Variants in XRCC5 observed in about 807,000 individuals in gnomAD.
The protein encoded by XRCC5 is DNA repair protein Ku80.
Under a neutral mutation model 95.7 loss-of-function variants are expected in XRCC5, and 12 were observed. The ratio of observed to expected loss-of-function variants is 0.13; its 90% CI spans 0.08 to 0.20. The LOEUF is 0.20. Ranked by LOEUF, XRCC5 falls within the 10% of genes least tolerant of loss-of-function variation. XRCC5 has a pLI of 1.00. For missense variants in XRCC5, 595 were observed against 873.9 expected (o/e 0.68, Z 4.02); for synonymous variants, 281 against 290.3 (o/e 0.97, Z 0.33).
chr2:216,122,079 G>T lies in XRCC5; in HGVS notation c.509G>T (p.Gly170Val). Residue 170 changes from glycine to valine, a missense_variant, in exon 6 of 21, where the codon GGC becomes GTC. Physicochemically the swap from Gly to Val is moderately radical, Grantham distance 109. Transcript: ENST00000392132. ...CTTAATAGCTTGCCTTTCTCACTTG[G>T]CAAGGAAGATGGAAGTGGGGACAGA... The part of the protein sequence containing the change: ...SLQFFLPFSL[G>V]KEDGSGDRGD... 6.2e-7 allele frequency: 1 copy of T among 1,612,196 alleles called. No homozygotes were observed. The highest frequency in any genetic ancestry group is 8.5e-7 in the Non-Finnish European group (1 of 1,179,122).
intron 8 of XRCC5, 50 bp downstream of exon 8, chr2:216,127,724 A>G (rs200255547): frequency 2.8e-5 from 43 of 1,526,644 alleles, no homozygotes; most frequent in African/African-American, 1.1e-4. Flanking sequence ...TTTCTTCAAC[A>G]TGATGTGATG....
chr2:216,143,701 C>CTTTTTTTTTTTT (rs1238978612), intron 13 of XRCC5, among the ~76,000 whole-genome samples: 1 of 142,822 alleles, frequency 7.0e-6, no homozygotes. Context: ...CTATAAGCTG[C>CTTTTTTTTTTTT]TTTTTTTTTT....
chr2:216,182,651 C>G (rs936246939), intron 16 of XRCC5, among the ~76,000 whole-genome samples: 3 of 152,214 alleles, frequency 2.0e-5, no homozygotes, highest in African/African-American at 7.2e-5. Context: ...TGAAAGATAT[C>G]ATTTCCTCAT....
intron 9 of XRCC5, chr2:216,131,271 A>T (rs1054599846): frequency 1.0e-6 from 1 of 984,872 alleles, no homozygotes; most frequent in African/African-American, 1.7e-5. Flanking sequence ...TGTGGGCCTA[A>T]CCCTCATCCC....
At chr2:216,196,530 A>G (rs1408171708) in intron 19 of XRCC5, among the ~76,000 whole-genome samples, 1 of 152,070 alleles carries the variant, frequency 6.6e-6, no homozygotes, top group Non-Finnish European at 1.5e-5. Flanking sequence ...GTGTATGCAC[A>G]TACACACACA....
Position 216,154,452 on chromosome 2 carries a change from G to A in XRCC5, c.1671-5616G>A, listed in dbSNP as rs760249783. Among the ~76,000 whole-genome samples, 2 of 152,188 alleles carry A rather than the reference G, an allele frequency of 1.3e-5. 1 individual carries two copies. Among genetic ancestry groups the A allele is most frequent in the Admixed American group, 1.3e-4 (2 of 15,286 alleles). On this transcript the variant is annotated intron_variant, in intron 14 of 20. Coordinates refer to ENST00000392132, the MANE Select transcript of XRCC5 (RefSeq NM_021141.4). The stretch of plus-strand genomic sequence containing the variant: ...TAAAAAGAAACGTAAGCTCTTAATA[G>A]CATCGCCCACTGCCACTGCTTTTAT...
chr2:216,156,091 A>G (rs1160143880), intron 14 of XRCC5, among the ~76,000 whole-genome samples: 1 of 152,228 alleles, frequency 6.6e-6, no homozygotes, highest in African/African-American at 2.4e-5. Context: ...CCTTGTGTTG[A>G]TAACACTAAT....
chr2:216,122,101 C>G lies in XRCC5; in HGVS notation c.531C>G (p.Asp177Glu). ...TTGGCAAGGAAGATGGAAGTGGGGACAGAGGAGATGGCCCCTTTCGCTTAG... is the reference window on the plus strand; with the variant it reads ...TTGGCAAGGAAGATGGAAGTGGGGAGAGAGGAGATGGCCCCTTTCGCTTAG... ...FSLGKEDGSGDRGDGPFRLGG... is the reference protein window; with the variant it reads ...FSLGKEDGSGERGDGPFRLGG... Residue 177 changes from aspartate to glutamate, a missense_variant, in exon 6 of 21, where the codon GAC (aspartate) becomes GAG (glutamate). Physicochemically the swap from Asp to Glu is conservative, Grantham distance 45. Transcript: ENST00000392132. 1.2e-6 allele frequency: 2 copies of G among 1,613,910 alleles called. No homozygotes were observed. The highest frequency in any genetic ancestry group is 1.7e-6 in the Non-Finnish European group (2 of 1,179,928).
chr2:216,158,884 A>T (rs1449677321), intron 14 of XRCC5, among the ~76,000 whole-genome samples: 2 of 152,138 alleles, frequency 1.3e-5, no homozygotes, highest in African/African-American at 4.8e-5. Flanking sequence ...TTATTTTTAA[A>T]ATTTATTTTT....
chr2:216,203,336 C>A (rs1241022379), intron 19 of XRCC5, among the ~76,000 whole-genome samples: 1 of 152,178 alleles, frequency 6.6e-6, no homozygotes, highest in Non-Finnish European at 1.5e-5. Context: ...CTCTCTAAAA[C>A]ACTCACTCCT....
intron 16 of XRCC5, among the ~76,000 whole-genome samples, chr2:216,174,468 T>C (rs1447877643): frequency 6.6e-6 from 1 of 152,208 alleles, no homozygotes; most frequent in African/African-American, 2.4e-5. Flanking sequence ...CCTTCAAAAC[T>C]GCATTTTAAG....
At chr2:216,181,833 AAAG>A (rs959031134) in intron 16 of XRCC5, among the ~76,000 whole-genome samples, 2 of 152,206 alleles carry the variant, frequency 1.3e-5, no homozygotes, top group South Asian at 2.1e-4. Context: ...TAGCCCCATC[AAAG>A]AAGAAGTGCA....
intron 16 of XRCC5, among the ~76,000 whole-genome samples, chr2:216,169,800 C>G (rs558624110): frequency 1.3e-5 from 2 of 150,600 alleles, no homozygotes. Flanking sequence ...AATCCCAGCA[C>G]TTTGGGAGGC....
chr2:216,157,259 A>T (rs1688862528), intron 14 of XRCC5, among the ~76,000 whole-genome samples: 1 of 148,776 alleles, frequency 6.7e-6, no homozygotes, highest in Non-Finnish European at 1.5e-5. Context: ...TTTGAGACGG[A>T]GTGTCACTCT....
In XRCC5 at chr2:216,148,075, TCCAACAG is replaced by T; in HGVS notation, c.1477-7_1477-1del. 6.3e-7 allele frequency: 1 copy of T among 1,598,246 alleles called. No homozygotes were observed. The highest frequency in any genetic ancestry group is 8.5e-7 in the Non-Finnish European group (1 of 1,176,196). On this transcript the variant is annotated splice_acceptor_variant and splice_polypyrimidine_tract_variant and intron_variant, in intron 13 of 20. Transcript: ENST00000392132. LOFTEE classifies it high-confidence loss of function. Reference sequence around the variant, plus strand: ...TCTGTGTTTTAAAATCCTTACTTTTTCCAACAGTGTCTGCTGCACAGAGCTTTACATC... The same window carrying T: ...TCTGTGTTTTAAAATCCTTACTTTTTTGTCTGCTGCACAGAGCTTTACATC...
chr2:216,110,193 T>C (rs190436035), intron 1 of XRCC5, among the ~76,000 whole-genome samples: 1 of 152,344 alleles, frequency 6.6e-6, no homozygotes, highest in East Asian at 1.9e-4. Flanking sequence ...GCTAGAAATC[T>C]ATGACCATTG....
chr2:216,156,683 T>C (rs1327795205), intron 14 of XRCC5: 5 of 543,858 alleles, frequency 9.2e-6, no homozygotes, highest in Non-Finnish European at 1.5e-5. Flanking sequence ...GCAATTATTC[T>C]ACCACCTTCC....
At chr2:216,170,109 CAGTT>C (rs1055829012) in intron 16 of XRCC5, among the ~76,000 whole-genome samples, 8 of 138,086 alleles carry the variant, frequency 5.8e-5, no homozygotes, top group South Asian at 2.5e-4. Context: ...ACCAAAAACT[CAGTT>C]AAGGTTTTCT....
At chr2:216,172,629 T>C (rs950673324) in intron 16 of XRCC5, among the ~76,000 whole-genome samples, 14 of 152,120 alleles carry the variant, frequency 9.2e-5, no homozygotes, top group Admixed American at 2.6e-4. Context: ...GTACTACGCC[T>C]GGCTCATGTT....
Sources: allele counts gnomAD v4.1 joint callset (sites outside exome capture counted in the v4.1 genomes callset), GRCh38; gene constraint gnomAD v4.1.1; transcripts MANE v1.5; gene names NCBI Gene and HGNC (gene_info 2026-07-23, HGNC 2026-07-21).